MAPK6: variants seen among roughly 807,000 people sequenced by gnomAD.
MAPK6 encodes ERK-3.
A neutral mutation model predicts 59.3 loss-of-function variants in MAPK6; 19 were observed. That is an observed-to-expected ratio of 0.32 (90% confidence interval 0.22 to 0.47). The LOEUF (loss-of-function observed/expected upper bound fraction) is 0.47, where lower values mean the gene tolerates loss of function less well. MAPK6 is among the 20% of genes least tolerant of loss of function. The pLI, the probability that MAPK6 is intolerant of heterozygous loss-of-function variation, is 1.00. For synonymous variants in MAPK6, 316 were observed against 290.3 expected (o/e 1.09, Z -0.90); for missense variants, 724 against 847.9 (o/e 0.85, Z 1.81).
At chr15:51,998,687 A>ATTTTTTCTTTTTT (rs2057233185) in intron 2 of MAPK6, among the ~76,000 whole-genome samples, 1 of 38,472 alleles carries the variant, frequency 2.6e-5, no homozygotes, top group Non-Finnish European at 4.6e-5. Flanking sequence ...TGCCTGGTTA[A>ATTTTTTCTTTTTT]TTTTTTTTTT....
chr15:52,016,070 GCACACACA>G (rs1175427042), upstream of MAPK6, among the ~76,000 whole-genome samples: 30 of 55,442 alleles, frequency 5.4e-4, no homozygotes, highest in Middle Eastern at 0.021. Context: ...GCGCGCGCGC[GCACACACA>G]CACACACACA....
At chr15:52,024,306 G>A (rs1248048108) in intron 1 of MAPK6, among the ~76,000 whole-genome samples, 2 of 152,104 alleles carry the variant, frequency 1.3e-5, no homozygotes, top group South Asian at 2.1e-4. Context: ...AACAGTATTA[G>A]CATCACCTGG....
upstream of MAPK6, among the ~76,000 whole-genome samples, chr15:52,016,129 G>T (rs559404381): frequency 9.8e-5 from 14 of 142,202 alleles, no homozygotes; most frequent in Non-Finnish European, 2.0e-4. Flanking sequence ...GGCCGGGCAT[G>T]GTGGCTCACT....
At chr15:51,994,434 G>T (rs573093824) in intron 2 of MAPK6, among the ~76,000 whole-genome samples, 1 of 152,114 alleles carries the variant, frequency 6.6e-6, no homozygotes, top group South Asian at 2.1e-4. Flanking sequence ...TATTTTTATA[G>T]AATGTCTTTT....
intron 1 of MAPK6, among the ~76,000 whole-genome samples, chr15:51,982,783 T>A (rs1484757729): frequency 6.6e-6 from 1 of 152,228 alleles, no homozygotes; most frequent in African/African-American, 2.4e-5. Context: ...AAAGTAATCA[T>A]TTATATAAAG....
At chr15:51,975,176 A>G (rs1316069731) in intron 1 of MAPK6, among the ~76,000 whole-genome samples, 1 of 151,968 alleles carries the variant, frequency 6.6e-6, no homozygotes, top group Non-Finnish European at 1.5e-5. Context: ...AAGAACAAAG[A>G]TTCAATGAGG....
intron 1 of MAPK6, among the ~76,000 whole-genome samples, chr15:52,019,670 C>T (rs576245152): frequency 6.8e-6 from 1 of 147,762 alleles, no homozygotes; most frequent in African/African-American, 2.4e-5. Flanking sequence ...CAGCGCGCCC[C>T]TCCCACCCGG....
At chr15:52,060,117 T>C (rs555484286) in intron 4 of MAPK6, among the ~76,000 whole-genome samples, 1 of 152,332 alleles carries the variant, frequency 6.6e-6, no homozygotes, top group African/African-American at 2.4e-5. Flanking sequence ...AGCATTCCTG[T>C]AGTCCTAGCT....
chr15:52,061,633 TAGTC>T (rs1348178796), intron 5 of MAPK6, 133 bp downstream of exon 5: 46 of 722,900 alleles, frequency 6.4e-5, no homozygotes, highest in Admixed American at 1.8e-4. Flanking sequence ...ATACAAAAAT[TAGTC>T]AGGTGTGGTG....
intron 1 of MAPK6, among the ~76,000 whole-genome samples, chr15:52,036,139 C>T (rs557299226): frequency 5.2e-4 from 79 of 152,256 alleles, no homozygotes; most frequent in African/African-American, 1.8e-3. Flanking sequence ...CTGGCTCTGC[C>T]TGGGTGACAG....
chr15:52,036,312 C>T (rs2031241013), intron 1 of MAPK6, among the ~76,000 whole-genome samples: 1 of 152,158 alleles, frequency 6.6e-6, no homozygotes, highest in Non-Finnish European at 1.5e-5. Context: ...TGGTTTATTT[C>T]CTTTAATATA....
intron 2 of MAPK6, among the ~76,000 whole-genome samples, chr15:51,983,396 T>G (rs533352383): frequency 6.6e-6 from 1 of 152,080 alleles, no homozygotes; most frequent in Admixed American, 6.6e-5. Flanking sequence ...GGAGAATCAC[T>G]TGGACCCAGG....
At chr15:52,020,520 A>T (rs745861747) in intron 1 of MAPK6, among the ~76,000 whole-genome samples, 4 of 152,124 alleles carry the variant, frequency 2.6e-5, no homozygotes, top group Middle Eastern at 3.2e-3. Context: ...CCATACAATG[A>T]AGAGCAAGCA....
At chr15:51,993,467 CAGGAATCA>C (rs2057215688) in intron 2 of MAPK6, among the ~76,000 whole-genome samples, 2 of 152,190 alleles carry the variant, frequency 1.3e-5, no homozygotes, top group South Asian at 4.1e-4. Context: ...TTAAGGATAG[CAGGAATCA>C]AGTTTCTCAC....
intron 1 of MAPK6, among the ~76,000 whole-genome samples, chr15:52,023,100 C>G: frequency 9.1e-6 from 1 of 109,666 alleles, no homozygotes; most frequent in Non-Finnish European, 1.8e-5. Context: ...GAGCGAGACT[C>G]CGTCTCAAAA....
chr15:51,989,598 T>G (rs1240637964), intron 2 of MAPK6, among the ~76,000 whole-genome samples: 1 of 151,974 alleles, frequency 6.6e-6, no homozygotes, highest in Non-Finnish European at 1.5e-5. Flanking sequence ...TTAAAATATT[T>G]ATTATTTTTT....
chr15:52,013,513 T>C (rs2030149946), intron 3 of MAPK6, among the ~76,000 whole-genome samples: 1 of 152,138 alleles, frequency 6.6e-6, no homozygotes, highest in South Asian at 2.1e-4. Context: ...AAAGAGGTAA[T>C]GTGGGAGCAA....
intron 3 of MAPK6, among the ~76,000 whole-genome samples, chr15:52,012,330 T>G (rs1032961494): frequency 2.0e-5 from 3 of 152,234 alleles, no homozygotes; most frequent in Non-Finnish European, 4.4e-5. Context: ...GTGTCTGTAT[T>G]TGAACACATA....
chr15:51,992,477 AT>A (rs910724929), intron 2 of MAPK6, among the ~76,000 whole-genome samples: 2 of 150,408 alleles, frequency 1.3e-5, no homozygotes, highest in Admixed American at 6.7e-5. Flanking sequence ...AATTTTTTGC[AT>A]TTTTTTTAGT....
Sources: gnomAD v4.1 joint callset for allele counts (sites outside exome capture counted in the v4.1 genomes callset) on GRCh38, gnomAD v4.1.1 for gene constraint, MANE v1.5 for transcripts, NCBI Gene and HGNC (gene_info 2026-07-23, HGNC 2026-07-21) for gene names.